HECW2: variants seen among roughly 807,000 people sequenced by gnomAD.
HECW2 encodes E3 ubiquitin-protein ligase HECW2.
In HECW2, 61 loss-of-function variants were observed where a neutral mutation model predicts 175.2. The observed-to-expected ratio is 0.35, with a 90% CI of 0.28 to 0.43. The LOEUF is 0.43. Among genes scored for constraint, HECW2 ranks in the 20% least tolerant of loss-of-function variants. The pLI is 1.00. For missense variants in HECW2, 1,524 were observed against 2,000.5 expected, an observed-to-expected ratio of 0.76 and a Z score of 4.54; for synonymous variants, 671 against 731.0, an observed-to-expected ratio of 0.92 and a Z score of 1.32.
chr2:196,326,052 A>T (rs1692138307), intron 5 of HECW2, among the ~76,000 whole-genome samples: 1 of 152,186 alleles, frequency 6.6e-6, no homozygotes, highest in African/African-American at 2.4e-5. Context: ...AAAATGCTGG[A>T]AGATTAATCT....
At chr2:196,412,750 A>G (rs1027147058) in intron 2 of HECW2, among the ~76,000 whole-genome samples, 2 of 152,224 alleles carry the variant, frequency 1.3e-5, no homozygotes, top group African/African-American at 4.8e-5. Flanking sequence ...ACCTCAGTCC[A>G]TTAATGGAAA....
At chr2:196,351,121 G>A (rs1371038395) in intron 2 of HECW2, among the ~76,000 whole-genome samples, 1 of 151,984 alleles carries the variant, frequency 6.6e-6, no homozygotes, top group East Asian at 1.9e-4. Context: ...CCCTGGAAAA[G>A]TTGATAATTA....
intron 1 of HECW2, among the ~76,000 whole-genome samples, chr2:196,438,956 G>A (rs560286432): frequency 1.3e-5 from 2 of 152,182 alleles, no homozygotes; most frequent in South Asian, 4.2e-4. Context: ...AAGGGATGGA[G>A]GTTTTCTATA....
At position 196,368,405 on chromosome 2, in the gene HECW2, T is replaced by C. The variant is rs573429762; in HGVS notation, c.293-24641A>G. On this transcript the variant is annotated intron_variant, in intron 2 of 28. Coordinates refer to ENST00000644978, the MANE Select transcript of HECW2 (RefSeq NM_001348768.2). ...TTTTCTCCTACTGCTTTTAGCATCC[T>C]TTCTTTATCCTTGACCTTTGGGAGT... Among the ~76,000 whole-genome samples, 14 of 152,374 alleles carry C rather than the reference T, an allele frequency of 9.2e-5. 1 individual carries two copies. In the South Asian group the frequency reaches 2.3e-3, roughly 25 times the overall value.
intron 2 of HECW2, among the ~76,000 whole-genome samples, chr2:196,358,900 T>C (rs1237389033): frequency 5.3e-5 from 8 of 152,162 alleles, no homozygotes; most frequent in Admixed American, 5.2e-4. Context: ...GTATCTCACA[T>C]GTAGTATCTC....
intron 1 of HECW2, among the ~76,000 whole-genome samples, chr2:196,490,939 G>A (rs567005755): frequency 1.4e-4 from 21 of 152,292 alleles, no homozygotes; most frequent in African/African-American, 5.1e-4. Flanking sequence ...ATTCGTAGTT[G>A]TTTGGGACTG....
intron 2 of HECW2, among the ~76,000 whole-genome samples, chr2:196,404,634 T>A (rs567418195): frequency 6.6e-6 from 1 of 152,248 alleles, no homozygotes; most frequent in East Asian, 1.9e-4. Context: ...AAACATTTCC[T>A]GATCTTCCAG....
At chr2:196,296,012 G>A (rs1035327142) in intron 13 of HECW2, among the ~76,000 whole-genome samples, 1 of 152,150 alleles carries the variant, frequency 6.6e-6, no homozygotes, top group African/African-American at 2.4e-5. Flanking sequence ...GTACATGACT[G>A]TTAGGGTCTA....
At chr2:196,539,197 T>C (rs910852988) in intron 1 of HECW2, among the ~76,000 whole-genome samples, 1 of 152,018 alleles carries the variant, frequency 6.6e-6, no homozygotes, top group Admixed American at 6.5e-5. Context: ...CTCGGGCAAA[T>C]CACTTAACCT....
chr2:196,309,474 C>T (rs761667804), intron 10 of HECW2, among the ~76,000 whole-genome samples: 11 of 152,322 alleles, frequency 7.2e-5, no homozygotes, highest in East Asian at 1.9e-4. Flanking sequence ...AAAGACCTCA[C>T]GCCCAGCCTG....
At chr2:196,459,680 G>T (rs72914608) in intron 1 of HECW2, among the ~76,000 whole-genome samples, 1 of 151,922 alleles carries the variant, frequency 6.6e-6, no homozygotes, top group African/African-American at 2.4e-5. Flanking sequence ...TCCTGAAACC[G>T]CCCCTCCTTT....
intron 1 of HECW2, among the ~76,000 whole-genome samples, chr2:196,591,953 G>T (rs1209677140): frequency 1.3e-5 from 2 of 152,016 alleles, no homozygotes; most frequent in Non-Finnish European, 2.9e-5. Flanking sequence ...CCATCTGTTG[G>T]GAAGAGAAAG....
chr2:196,557,372 G>A (rs1421025908), intron 1 of HECW2, among the ~76,000 whole-genome samples: 1 of 151,014 alleles, frequency 6.6e-6, no homozygotes, highest in South Asian at 2.1e-4. Flanking sequence ...TCCAGCCTGG[G>A]CAACAAGAGC....
At chr2:196,417,223 A>G (rs1252460211) in intron 2 of HECW2, among the ~76,000 whole-genome samples, 2 of 152,258 alleles carry the variant, frequency 1.3e-5, no homozygotes, top group Admixed American at 1.3e-4. Context: ...TAATGATTCC[A>G]AATGATGAAA....
chr2:196,438,719 G>A (rs999739232), intron 1 of HECW2, among the ~76,000 whole-genome samples: 3 of 152,194 alleles, frequency 2.0e-5, no homozygotes, highest in Non-Finnish European at 2.9e-5. Flanking sequence ...TGCTTTTTGA[G>A]CCAAATCTCT....
chr2:196,387,645 TA>T (rs918086779), intron 2 of HECW2, among the ~76,000 whole-genome samples: 2 of 152,134 alleles, frequency 1.3e-5, no homozygotes, highest in Non-Finnish European at 2.9e-5. Context: ...AATGTCTTAT[TA>T]AAAACATACT....
intron 13 of HECW2, among the ~76,000 whole-genome samples, chr2:196,303,090 C>T (rs999199999): frequency 2.6e-5 from 4 of 152,148 alleles, no homozygotes; most frequent in African/African-American, 9.7e-5. Context: ...TATGTTCCTT[C>T]AATACCTAGT....
chr2:196,433,291 G>A lies in HECW2; in HGVS notation c.133C>T (p.Arg45Trp), dbSNP rs1695771091. ...ACCAGGTCGGTGTCGCTGTTGGCCC[G>A]CTGCAGGGTCATGTTCTCTGGCATG... ...SSMPENMTLQ[R>W]ANSDTDLVTS... Residue 45 changes from arginine to tryptophan, a missense_variant, in exon 2 of 29, where the codon CGG becomes TGG. Arg to Trp is a moderately radical substitution (Grantham distance 101). Transcript: ENST00000644978. 3.7e-6 allele frequency: 6 copies of A among 1,614,044 alleles called. No homozygotes were observed. The highest frequency in any genetic ancestry group is 1.7e-5 in the Admixed American group (1 of 60,010).
At chr2:196,305,425 G>GA (rs1467052347) in intron 13 of HECW2, among the ~76,000 whole-genome samples, 1 of 152,120 alleles carries the variant, frequency 6.6e-6, no homozygotes, top group East Asian at 1.9e-4. Flanking sequence ...AAAGAAGGCA[G>GA]AAAAATATTA....
Sources: gnomAD v4.1 joint callset for allele counts (sites outside exome capture counted in the v4.1 genomes callset) on GRCh38, gnomAD v4.1.1 for gene constraint, MANE v1.5 for transcripts, NCBI Gene and HGNC (gene_info 2026-07-23, HGNC 2026-07-21) for gene names.